The following FLRT1 variants were observed in gnomAD, a reference collection of about 807,000 sequenced individuals.
FLRT1 encodes the protein leucine-rich repeat transmembrane protein FLRT1.
A neutral mutation model predicts 30.9 loss-of-function variants in FLRT1; 14 were observed. That is an observed-to-expected ratio of 0.45 (90% confidence interval 0.30 to 0.71). FLRT1 has a LOEUF of 0.71. Among genes scored for constraint, FLRT1 ranks in the 30% least tolerant of loss-of-function variants. FLRT1 has a pLI of 0.08. For synonymous variants in FLRT1, 368 were observed against 430.4 expected, an observed-to-expected ratio of 0.85 and a Z score of 1.80; for missense variants, 737 against 949.2, an observed-to-expected ratio of 0.78 and a Z score of 2.94.
At chr11:64,075,119 C>T (rs1359486021) in intron 1 of FLRT1, among the ~76,000 whole-genome samples, 1 of 152,236 alleles carries the variant, frequency 6.6e-6, no homozygotes. Flanking sequence ...CTCTCTGGGC[C>T]TCTTTCTCTC....
intron 2 of FLRT1, among the ~76,000 whole-genome samples, chr11:64,107,899 A>C (rs1335561698): frequency 1.3e-5 from 2 of 152,200 alleles, no homozygotes. Flanking sequence ...CCTGCAGTTC[A>C]TGTCTGGGGC....
chr11:64,069,174 C>T (rs1243699537), intron 1 of FLRT1, among the ~76,000 whole-genome samples: 1 of 152,132 alleles, frequency 6.6e-6, no homozygotes, highest in African/African-American at 2.4e-5. Context: ...GGGAGAGGTG[C>T]GGGGAGCAGA....
chr11:64,057,405 C>T (rs1943809651), intron 1 of FLRT1, among the ~76,000 whole-genome samples: 1 of 152,186 alleles, frequency 6.6e-6, no homozygotes, highest in African/African-American at 2.4e-5. Context: ...TGGGGAGTGA[C>T]CCACATGGTG....
chr11:64,072,186 C>T (rs1038121957), intron 1 of FLRT1, among the ~76,000 whole-genome samples: 7 of 152,026 alleles, frequency 4.6e-5, no homozygotes, highest in Admixed American at 2.6e-4. Context: ...ACTTGGGGGT[C>T]GGGAGCAGGG....
rs771194116 is a variant in FLRT1, at chr11:64,118,119, G to A, written c.1852G>A (p.Gly618Arg). 2 of 1,613,138 alleles carry A rather than the reference G, an allele frequency of 1.2e-6. No individual in the cohort carries two copies. The highest frequency in any genetic ancestry group is 1.7e-6 in the Non-Finnish European group (2 of 1,179,416). ...DNSILEIRGP[G>R]LQMLPINPYR... is the part of the protein sequence containing the mutation. ...CTCCATCCTGGAAATCCGCGGCCCTGGGCTGCAGATGCTGCCCATCAACCC... is the reference window on the plus strand; with the variant it reads ...CTCCATCCTGGAAATCCGCGGCCCTAGGCTGCAGATGCTGCCCATCAACCC... Residue 618 changes from glycine to arginine, a missense_variant, in exon 3 of 3, where the codon GGG becomes AGG. Gly to Arg is a moderately radical substitution (Grantham distance 125). Coordinates refer to ENST00000682287, the MANE Select transcript of FLRT1 (RefSeq NM_013280.5).
intron 1 of FLRT1, among the ~76,000 whole-genome samples, chr11:64,049,192 TAGTCC>T: frequency 6.6e-6 from 1 of 152,148 alleles, no homozygotes; most frequent in Admixed American, 6.5e-5. Flanking sequence ...ACCCCATTCA[TAGTCC>T]CACTCTTGGA....
At chr11:64,092,009 A>G (rs1944499567) in intron 1 of FLRT1, among the ~76,000 whole-genome samples, 1 of 152,148 alleles carries the variant, frequency 6.6e-6, no homozygotes, top group Non-Finnish European at 1.5e-5. Flanking sequence ...CCGGCCCTCT[A>G]TCCCCACGTG....
intron 1 of FLRT1, among the ~76,000 whole-genome samples, chr11:64,081,375 T>C (rs1447633011): frequency 1.3e-5 from 2 of 152,182 alleles, no homozygotes; most frequent in African/African-American, 2.4e-5. Context: ...CTGAGGTGTC[T>C]AGAGTGCTGG....
chr11:64,049,010 C>T (rs547888424), intron 1 of FLRT1, among the ~76,000 whole-genome samples: 9 of 152,302 alleles, frequency 5.9e-5, no homozygotes, highest in African/African-American at 1.7e-4. Flanking sequence ...ACTGGGGTGC[C>T]GGCTGCCTCC....
In FLRT1 at chr11:64,104,172, G is replaced by A. The variant is rs1565234266; in HGVS notation, c.-59G>A. 2 of 152,350 alleles carry A rather than the reference G, an allele frequency of 1.3e-5. No individual in the cohort carries two copies. Among genetic ancestry groups the A allele is most frequent in the South Asian group, 2.1e-4 (1 of 4,830 alleles). 9.4% of individuals were successfully genotyped at this position (152,350 alleles called of 1,614,324 possible). ...AACCCAGAGGGTCTTGGGCGGCAGC[G>A]ACGAAGGAGGTAAGGCCCAAGGACA... On this transcript the variant is annotated 5_prime_UTR_variant, in exon 2 of 3. Coordinates refer to ENST00000682287, the MANE Select transcript of FLRT1 (RefSeq NM_013280.5).
rs1008718253 is a variant in FLRT1, at chr11:64,090,123, C to A, written c.-1037-13071C>A. Among the ~76,000 whole-genome samples the A allele has an allele frequency of 6.6e-6, 1 of 152,078 alleles. No individual in the cohort carries two copies. The highest frequency in any genetic ancestry group is 1.5e-5 in the Non-Finnish European group (1 of 68,010). On this transcript the variant is annotated intron_variant, in intron 1 of 2. Transcript: ENST00000682287. This position sits in a 1 kb window ranked among gnomAD's most constrained non-coding sequence, Gnocchi z 4.7. ...GGCTGGGGGAGGGGAAGATATGCAC[C>A]CTCTCCCCACGGGGCTAGGGACTCA... is the stretch of plus-strand genomic sequence containing the variant.
chr11:64,069,208 C>T (rs2250280), intron 1 of FLRT1, among the ~76,000 whole-genome samples: 51,102 of 152,050 alleles, frequency 0.34, 13,369 homozygotes, highest in African/African-American at 0.71. Flanking sequence ...TGCGCGCGGC[C>T]GGGGGCCCGA....
At chr11:64,109,803 A>G (rs1359781141) in intron 2 of FLRT1, among the ~76,000 whole-genome samples, 1 of 152,076 alleles carries the variant, frequency 6.6e-6, no homozygotes, top group East Asian at 1.9e-4. Context: ...GCACCCACAC[A>G]GTTTGAGGTG....
intron 1 of FLRT1, among the ~76,000 whole-genome samples, chr11:64,043,906 C>T (rs1157569150): frequency 6.6e-6 from 1 of 151,208 alleles, no homozygotes; most frequent in Non-Finnish European, 1.5e-5. Flanking sequence ...CTGTCTGCAA[C>T]AGGTTCAAGC....
At chr11:64,074,286 T>C (rs1476546457) in intron 1 of FLRT1, among the ~76,000 whole-genome samples, 1 of 152,168 alleles carries the variant, frequency 6.6e-6, no homozygotes, top group Non-Finnish European at 1.5e-5. Context: ...TGAGGAAGGT[T>C]TCCCCACCTT....
At chr11:64,094,286 G>A (rs1944538952) in intron 1 of FLRT1, among the ~76,000 whole-genome samples, 1 of 152,162 alleles carries the variant, frequency 6.6e-6, no homozygotes, top group African/African-American at 2.4e-5. Flanking sequence ...AAAAAAGTTA[G>A]CCGGGCATGG....
At position 64,064,734 on chromosome 11, in the gene FLRT1, C is replaced by G. The variant is rs542928261; in HGVS notation, c.-1038+28575C>G. 8.6e-5 allele frequency among the ~76,000 whole-genome samples: 13 copies of G among 151,242 alleles called. No individual in the cohort carries two copies. The South Asian group carries it at 1.5e-3, about 17-fold the overall frequency. ...TCCTCTCCCCTCCCTGCCAGCCCCC[C>G]AGCAGGCAGCCAGGCCTGGACCCAC... On this transcript the variant is annotated intron_variant, in intron 1 of 2. Transcript: ENST00000682287. This position sits in a 1 kb window ranked among gnomAD's most constrained non-coding sequence, Gnocchi z 4.5.
At chr11:64,062,164 T>C (rs1030569088) in intron 1 of FLRT1, among the ~76,000 whole-genome samples, 1 of 152,074 alleles carries the variant, frequency 6.6e-6, no homozygotes, top group Non-Finnish European at 1.5e-5. Context: ...CAGGGATTCC[T>C]CTGGCTGAGC....
At chr11:64,065,792 A>G (rs1405521801) in intron 1 of FLRT1, among the ~76,000 whole-genome samples, 1 of 121,954 alleles carries the variant, frequency 8.2e-6, no homozygotes, top group African/African-American at 3.8e-5. Context: ...TCCGCCTCAA[A>G]AAAAAAAAAA....
Sources: gnomAD v4.1 joint callset for allele counts (sites outside exome capture counted in the v4.1 genomes callset) on GRCh38, gnomAD v4.1.1 for gene constraint, Gnocchi (gnomAD v3.1) non-coding constraint, MANE v1.5 for transcripts, NCBI Gene and HGNC (gene_info 2026-07-23, HGNC 2026-07-21) for gene names.